MATCAP1: variants seen among roughly 807,000 people sequenced by gnomAD.
MATCAP1 encodes the protein microtubule associated tyrosine carboxypeptidase 1.
the MATCAP1 span, chr16:67,179,237 A>G: frequency 1.4e-6 from 2 of 1,418,360 alleles, no homozygotes; most frequent in Non-Finnish European, 9.2e-7. This position sits in a 1 kb window ranked among gnomAD's most constrained non-coding sequence, Gnocchi z 5.2. Flanking sequence ...AGCCCAGAGC[A>G]TGGGCAGGCA....
At chr16:67,176,503 C>G in the MATCAP1 span, 1 of 289,790 alleles carries the variant, frequency 3.5e-6, no homozygotes, top group Non-Finnish European at 6.4e-6. The surrounding 1 kb of genome is among the most constrained non-coding windows in gnomAD (Gnocchi z 4.3). Flanking sequence ...TATTCCCAAA[C>G]CACCCCCATC....
chr16:67,180,974 G>C, the MATCAP1 span, among the ~76,000 whole-genome samples: 1 of 152,126 alleles, frequency 6.6e-6, no homozygotes, highest in Non-Finnish European at 1.5e-5. Context: ...TGATCCTCCC[G>C]CCTCAGCCTC....
chr16:67,178,352 G>T, the MATCAP1 span: 1 of 1,574,208 alleles, frequency 6.4e-7, no homozygotes, highest in South Asian at 1.2e-5. Flanking sequence ...AGTGCAGCGC[G>T]CCACAGGAAC....
the MATCAP1 span, chr16:67,178,603 C>T: frequency 2.9e-6 from 3 of 1,039,788 alleles, no homozygotes; most frequent in South Asian, 1.4e-5. Context: ...GGGCTCTGGC[C>T]GCGACACTTC....
the MATCAP1 span, among the ~76,000 whole-genome samples, chr16:67,181,938 C>A: frequency 1.3e-5 from 2 of 152,212 alleles, no homozygotes; most frequent in South Asian, 4.1e-4. Flanking sequence ...TATTGATCAG[C>A]ACCCGATACA....
the MATCAP1 span, chr16:67,176,777 G>C: frequency 1.3e-6 from 2 of 1,524,560 alleles, no homozygotes; most frequent in South Asian, 1.3e-5. This position sits in a 1 kb window ranked among gnomAD's most constrained non-coding sequence, Gnocchi z 4.3. Flanking sequence ...TGGAGCTTCT[G>C]TCCAGGGCCT....
chr16:67,178,183 C>G, the MATCAP1 span: 1 of 1,536,948 alleles, frequency 6.5e-7, no homozygotes, highest in Non-Finnish European at 8.8e-7. Context: ...GGCACCTCCC[C>G]CGCGCTGGCG....
the MATCAP1 span, chr16:67,179,716 A>AG: frequency 1.3e-6 from 2 of 1,536,116 alleles, no homozygotes; most frequent in Non-Finnish European, 1.8e-6. This position sits in a 1 kb window ranked among gnomAD's most constrained non-coding sequence, Gnocchi z 5.2. Flanking sequence ...TCACTGGGGC[A>AG]GGGGCAGGGG....
the MATCAP1 span, chr16:67,183,806 G>A: frequency 1.2e-5 from 2 of 173,112 alleles, no homozygotes; most frequent in Non-Finnish European, 2.4e-5. Flanking sequence ...CGGGAGATCA[G>A]GAAAGGTCGC....
the MATCAP1 span, chr16:67,177,079 CT>C: frequency 6.1e-6 from 6 of 978,368 alleles, no homozygotes; most frequent in Non-Finnish European, 8.7e-6. Flanking sequence ...TCCGGGACTT[CT>C]TCCTCTCCCC....
At chr16:67,178,517 C>A in the MATCAP1 span, 1 of 1,518,292 alleles carries the variant, frequency 6.6e-7, no homozygotes, top group Non-Finnish European at 8.8e-7. Flanking sequence ...GCGGGGAAGG[C>A]GAGGGGAGGC....
the MATCAP1 span, chr16:67,183,916 A>G: frequency 5.0e-6 from 1 of 198,822 alleles, no homozygotes; most frequent in South Asian, 7.0e-5. Context: ...GCTCTGCTAC[A>G]CCGGCCACCG....
At chr16:67,177,292 C>T in the MATCAP1 span, among the ~76,000 whole-genome samples, 7 of 152,198 alleles carry the variant, frequency 4.6e-5, no homozygotes, top group Non-Finnish European at 1.0e-4. Flanking sequence ...CTCAGGATGG[C>T]CCCATGTCCA....
At chr16:67,176,952 G>T in the MATCAP1 span, 38 of 1,585,354 alleles carry the variant, frequency 2.4e-5, no homozygotes, top group Admixed American at 6.5e-4. The surrounding 1 kb of genome is among the most constrained non-coding windows in gnomAD (Gnocchi z 4.3). Flanking sequence ...GGGGCCGCAG[G>T]TGGTCCACAT....
At chr16:67,180,271 G>T in the MATCAP1 span, 4 of 1,612,590 alleles carry the variant, frequency 2.5e-6, no homozygotes, top group East Asian at 2.2e-5. Flanking sequence ...GCTGCAGGCC[G>T]CAGGGTGCCC....
chr16:67,177,045 C>A, the MATCAP1 span: 1 of 1,364,594 alleles, frequency 7.3e-7, no homozygotes, highest in Non-Finnish European at 9.8e-7. Flanking sequence ...TCCCAGCCCA[C>A]TGCTTACAGC....
chr16:67,176,519 C>T, the MATCAP1 span: 1 of 330,320 alleles, frequency 3.0e-6, no homozygotes, highest in Non-Finnish European at 5.5e-6. This position sits in a 1 kb window ranked among gnomAD's most constrained non-coding sequence, Gnocchi z 4.3. Flanking sequence ...CCATCCCCAT[C>T]AATGCTCAGC....
At chr16:67,176,751 G>T in the MATCAP1 span, 3 of 1,450,376 alleles carry the variant, frequency 2.1e-6, no homozygotes. This position sits in a 1 kb window ranked among gnomAD's most constrained non-coding sequence, Gnocchi z 4.3. Context: ...ACTGCTTCAT[G>T]TTCTAGGGGC....
At chr16:67,177,942 G>C in the MATCAP1 span, 4 of 1,419,246 alleles carry the variant, frequency 2.8e-6, no homozygotes, top group Non-Finnish European at 4.0e-6. Context: ...GCACCAATCC[G>C]AGGCTCAGGG....
Sources: gnomAD v4.1 joint callset for allele counts (sites outside exome capture counted in the v4.1 genomes callset) on GRCh38, gnomAD v4.1.1 for gene constraint, Gnocchi (gnomAD v3.1) non-coding constraint, MANE v1.5 for transcripts, NCBI Gene and HGNC (gene_info 2026-07-23, HGNC 2026-07-21) for gene names.